Variants in GPHN observed in about 807,000 individuals in gnomAD.
The protein encoded by GPHN is gephyrin.
A neutral mutation model predicts 95.5 loss-of-function variants in GPHN; 17 were observed. The ratio of observed to expected loss-of-function variants is 0.18; its 90% CI spans 0.12 to 0.27. GPHN has a LOEUF of 0.27. Ranked by LOEUF, GPHN falls within the 10% of genes least tolerant of loss-of-function variation. The pLI, the probability that GPHN is intolerant of heterozygous loss-of-function variation, is 1.00. For synonymous variants in GPHN, 320 were observed against 322.5 expected (o/e 0.99, Z 0.08); for missense variants, 660 against 978.1 (o/e 0.67, Z 4.34).
chr14:67,393,323 G>A, the GPHN span: 3 of 928,990 alleles, frequency 3.2e-6, no homozygotes, highest in African/African-American at 1.6e-5. Flanking sequence ...ACTGCTAAGG[G>A]TATAAAGCAA....
intron 18 of GPHN, among the ~76,000 whole-genome samples, chr14:67,147,104 T>C (rs919045009): frequency 2.6e-5 from 4 of 152,206 alleles, no homozygotes; most frequent in African/African-American, 9.7e-5. Context: ...TTCTTTAATA[T>C]TTCATTTATC....
At chr14:66,813,231 A>C (rs1217352185) in intron 3 of GPHN, among the ~76,000 whole-genome samples, 1 of 152,256 alleles carries the variant, frequency 6.6e-6, no homozygotes, top group Non-Finnish European at 1.5e-5. Context: ...GAATTCAAAC[A>C]AATGACAACA....
chr14:67,367,252 G>C, the GPHN span, among the ~76,000 whole-genome samples: 2 of 152,004 alleles, frequency 1.3e-5, no homozygotes, highest in Admixed American at 1.3e-4. Flanking sequence ...TTTTTTGGGG[G>C]ATGGAGTCTC....
At chr14:66,749,983 T>A (rs2153447146) in intron 2 of GPHN, among the ~76,000 whole-genome samples, 1 of 152,018 alleles carries the variant, frequency 6.6e-6, no homozygotes, top group South Asian at 2.1e-4. Flanking sequence ...ATCCTTTCTT[T>A]GTGTTACAAA....
At chr14:67,553,138 G>A in the GPHN span, among the ~76,000 whole-genome samples, 2 of 151,312 alleles carry the variant, frequency 1.3e-5, no homozygotes, top group Non-Finnish European at 3.0e-5. Context: ...ATCAGATGAA[G>A]TCAGAAAATA....
At chr14:66,954,270 CAT>C (rs2068332048) in intron 8 of GPHN, among the ~76,000 whole-genome samples, 1 of 152,100 alleles carries the variant, frequency 6.6e-6, no homozygotes, top group Non-Finnish European at 1.5e-5. Flanking sequence ...TCCATTAACA[CAT>C]ATGTCTTTCT....
chr14:67,692,199 G>A, the GPHN span: 1 of 462,828 alleles, frequency 2.2e-6, no homozygotes, highest in African/African-American at 2.1e-5. Flanking sequence ...ACTCCCATGA[G>A]ATTTCTGGCT....
the GPHN span, chr14:67,228,296 TTTTG>T: frequency 5.9e-6 from 2 of 341,046 alleles, no homozygotes; most frequent in East Asian, 3.4e-4. Flanking sequence ...ATAAATATAA[TTTTG>T]TTTGTTTCAA....
At chr14:66,586,961 A>G (rs937467841) in intron 1 of GPHN, among the ~76,000 whole-genome samples, 1 of 152,190 alleles carries the variant, frequency 6.6e-6, no homozygotes, top group African/African-American at 2.4e-5. Context: ...ACAAAACAGA[A>G]TTGATTTTTT....
chr14:66,870,131 G>A (rs1470741975), intron 4 of GPHN, among the ~76,000 whole-genome samples: 2 of 152,086 alleles, frequency 1.3e-5, no homozygotes, highest in Admixed American at 1.3e-4. Flanking sequence ...AAAATAGAAG[G>A]GTTCTAATGT....
At chr14:66,807,100 C>T (rs565680196) in intron 3 of GPHN, among the ~76,000 whole-genome samples, 2 of 152,196 alleles carry the variant, frequency 1.3e-5, no homozygotes, top group Admixed American at 1.3e-4. Context: ...TGGTGGAAGG[C>T]AAGGAAGAGC....
At chr14:67,514,961 C>CA in the GPHN span, 1 of 134,236 alleles carries the variant, frequency 7.4e-6, no homozygotes, top group Non-Finnish European at 1.7e-5. Flanking sequence ...GCCCCAAGTC[C>CA]GGTCGCCCAG....
the GPHN span, chr14:67,695,564 G>T: frequency 6.7e-7 from 1 of 1,495,116 alleles, no homozygotes. Flanking sequence ...CTTTGGTGGG[G>T]ATTCTATGTT....
the GPHN span, among the ~76,000 whole-genome samples, chr14:67,207,248 G>T: frequency 6.6e-6 from 1 of 152,124 alleles, no homozygotes. Context: ...GAAGCACAAT[G>T]CTGGCATCTG....
chr14:67,471,742 C>CCACCCCACCACAACCTG, the GPHN span: 1 of 152,322 alleles, frequency 6.6e-6, no homozygotes, highest in African/African-American at 2.4e-5. Flanking sequence ...CAACTGTGGC[C>CCACCCCACCACAACCTG]CACCCCACCA....
At chr14:66,940,718 A>G (rs1361060451) in intron 8 of GPHN, among the ~76,000 whole-genome samples, 11 of 152,160 alleles carry the variant, frequency 7.2e-5, no homozygotes, top group Admixed American at 6.5e-4. Flanking sequence ...CTGCCTCTGG[A>G]TTCCTCAGAT....
At chr14:66,707,286 C>A (rs900308841) in intron 2 of GPHN, among the ~76,000 whole-genome samples, 21 of 152,088 alleles carry the variant, frequency 1.4e-4, no homozygotes, top group African/African-American at 5.1e-4. Context: ...CCAGAAATAC[C>A]ATTTGACACA....
chr14:67,468,752 G>A, the GPHN span, among the ~76,000 whole-genome samples: 4 of 152,022 alleles, frequency 2.6e-5, no homozygotes, highest in Non-Finnish European at 4.4e-5. Flanking sequence ...AAAATTAGCC[G>A]GGCCTGGTGG....
chr14:67,231,241 T>C, the GPHN span, among the ~76,000 whole-genome samples: 1,771 of 152,290 alleles, frequency 0.012, 37 homozygotes, highest in African/African-American at 0.039. Context: ...ACAAATCAGA[T>C]TAGTGGTTGC....
Sources: gnomAD v4.1 joint callset for allele counts (sites outside exome capture counted in the v4.1 genomes callset) on GRCh38, gnomAD v4.1.1 for gene constraint, MANE v1.5 for transcripts, NCBI Gene and HGNC (gene_info 2026-07-23, HGNC 2026-07-21) for gene names.